The following MMS22L variants were observed in gnomAD, a reference collection of about 807,000 sequenced individuals.
MMS22L encodes MMS22 like, DNA repair protein.
MMS22L carries 74 observed loss-of-function variants against 159.1 expected under a neutral mutation model. The ratio of observed to expected loss-of-function variants is 0.47; its 90% CI spans 0.39 to 0.56. The LOEUF is 0.56. Ranked by LOEUF, MMS22L falls within the 20% of genes least tolerant of loss-of-function variation. The pLI is 0.00. For synonymous variants in MMS22L, 517 were observed against 506.9 expected (o/e 1.02, Z -0.27); for missense variants, 1,351 against 1,422.1 (o/e 0.95, Z 0.80).
chr6:97,241,898 C>T (rs550602776), intron 11 of MMS22L, among the ~76,000 whole-genome samples: 8 of 152,206 alleles, frequency 5.3e-5, no homozygotes, highest in African/African-American at 1.7e-4. Flanking sequence ...TTAATTTCCA[C>T]GTATTTGTAT....
At chr6:97,193,068 ATATG>A (rs1806061464) in intron 14 of MMS22L, among the ~76,000 whole-genome samples, 1 of 152,200 alleles carries the variant, frequency 6.6e-6, no homozygotes, top group South Asian at 2.1e-4. Flanking sequence ...TCACTCATTC[ATATG>A]TAAGTTCTTA....
chr6:97,275,663 A>C (rs1582873733), intron 4 of MMS22L, among the ~76,000 whole-genome samples: 2 of 152,334 alleles, frequency 1.3e-5, no homozygotes, highest in Middle Eastern at 6.8e-3. Flanking sequence ...AGAGAAAAAA[A>C]ACACACACAC....
intron 11 of MMS22L, among the ~76,000 whole-genome samples, chr6:97,241,517 A>G (rs1198516345): frequency 6.6e-6 from 1 of 151,484 alleles, no homozygotes; most frequent in Non-Finnish European, 1.5e-5. Flanking sequence ...GTGGTGTTGC[A>G]TTGTGGTTTT....
In MMS22L at chr6:97,144,630, G is replaced by A. The variant is rs1800810499; in HGVS notation, c.*2176C>T. On this transcript the variant is annotated 3_prime_UTR_variant, in exon 25 of 25. Transcript: ENST00000683635. Reference sequence around the variant, plus strand: ...AGAAGCAGCAGCCTCAGAAATTACAGGGTATTTAGGGAAAGTGGCTATTAA... The same window carrying A: ...AGAAGCAGCAGCCTCAGAAATTACAAGGTATTTAGGGAAAGTGGCTATTAA... 1 of 152,042 alleles carries A rather than the reference G, an allele frequency of 6.6e-6. No homozygotes were observed. The highest frequency in any genetic ancestry group is 2.1e-4 in the South Asian group (1 of 4,822). The allele number at this position is 152,042 out of a possible 1,614,324, so 9.4% of individuals were successfully genotyped here.
At position 97,231,626 on chromosome 6, in the gene MMS22L, A is replaced by C; in HGVS notation, c.1329T>G (p.Leu443=). ...NLNSSFSISW[L]PFKGLANTMK... ...TGGTATTAGCAAGGCCTTTAAAAGG[A>C]AGCCAAGAAATACTGAAGGAACTAT... The change falls in exon 13 of 25, where the codon CTT becomes CTG. Residue 443 remains leucine (L), a synonymous_variant. Transcript: ENST00000683635. The C allele has an allele frequency of 6.2e-7, 1 of 1,612,266 alleles. No homozygotes were observed. Among genetic ancestry groups the C allele is most frequent in the East Asian group, 2.2e-5 (1 of 44,822 alleles).
rs186130628 is a variant in MMS22L at position 97,180,169 on chromosome 6, T to C, written c.2385-610A>G. 4.4e-3 allele frequency among the ~76,000 whole-genome samples: 676 copies of C among 152,228 alleles called. 4 individuals carry two copies. Among genetic ancestry groups the C allele is most frequent in the African/African-American group, 0.015 (629 of 41,548 alleles). On this transcript the variant is annotated intron_variant, in intron 16 of 24. Transcript: ENST00000683635. ...CAGGCTGGAGTGCAGTGGTGCAATC[T>C]TGGCTCACTGCAAGCTCTGCCTCCC... is the stretch of plus-strand genomic sequence containing the variant.
chr6:97,226,066 A>G (rs1810212440), intron 14 of MMS22L, among the ~76,000 whole-genome samples: 1 of 152,202 alleles, frequency 6.6e-6, no homozygotes, highest in Non-Finnish European at 1.5e-5. Flanking sequence ...ATCTATAGGT[A>G]TACTTCCACA....
chr6:97,247,983 A>G (rs940785977), intron 10 of MMS22L, among the ~76,000 whole-genome samples: 5 of 152,226 alleles, frequency 3.3e-5, no homozygotes, highest in Admixed American at 3.3e-4. Context: ...TGAGTATGGT[A>G]GTCAGCCTCT....
chr6:97,178,750 T>A (rs1208267802), intron 17 of MMS22L, among the ~76,000 whole-genome samples, 165 bp from the exon 18 acceptor site: 1 of 152,108 alleles, frequency 6.6e-6, no homozygotes, highest in Non-Finnish European at 1.5e-5. Context: ...GACTTCAAAT[T>A]AAATTTCTCT....
At chr6:97,213,242 A>C (rs1808592806) in intron 14 of MMS22L, among the ~76,000 whole-genome samples, 1 of 152,076 alleles carries the variant, frequency 6.6e-6, no homozygotes, top group South Asian at 2.1e-4. Flanking sequence ...CCCCATCTCT[A>C]CTAAAAATAC....
chr6:97,201,794 TACTCTATGA>T lies in MMS22L; in HGVS notation c.2040-15113_2040-15105del, dbSNP rs548188938. On this transcript the variant is annotated intron_variant, in intron 14 of 24. Transcript: ENST00000683635. ...ATCTCCAAATTCACTAAAAATTTAT[TACTCTATGA>T]GTGCAATCTATTGCTTTAGAGCCTA... Among the ~76,000 whole-genome samples the T allele has an allele frequency of 3.3e-4, 50 of 152,376 alleles. No individual in the cohort carries two copies. The South Asian group carries it at 3.3e-3, about 10-fold the overall frequency.
intron 14 of MMS22L, among the ~76,000 whole-genome samples, chr6:97,223,514 C>G (rs1323305960): frequency 1.3e-5 from 2 of 151,970 alleles, no homozygotes; most frequent in Admixed American, 6.6e-5. Flanking sequence ...TGTTTTTGAC[C>G]CGATAGTATT....
intron 23 of MMS22L, among the ~76,000 whole-genome samples, chr6:97,150,368 G>A (rs2128231543): frequency 6.6e-6 from 1 of 152,056 alleles, no homozygotes; most frequent in South Asian, 2.1e-4. Context: ...GACAGTAACA[G>A]AAAAAAGTCA....
intron 13 of MMS22L, 149 bp downstream of exon 13, chr6:97,231,277 A>G (rs371294283): frequency 4.9e-6 from 3 of 617,684 alleles, no homozygotes; most frequent in African/African-American, 3.7e-5. Flanking sequence ...GTTTGTTTCT[A>G]TCACTTTTAA....
intron 21 of MMS22L, among the ~76,000 whole-genome samples, chr6:97,163,400 G>A (rs1051490407): frequency 5.3e-5 from 8 of 151,848 alleles, no homozygotes; most frequent in African/African-American, 1.9e-4. Flanking sequence ...AGCATGGCAT[G>A]GAAGAAGTCA....
chr6:97,150,873 C>T (rs1471377158), intron 23 of MMS22L, among the ~76,000 whole-genome samples: 3 of 152,058 alleles, frequency 2.0e-5, no homozygotes, highest in Non-Finnish European at 2.9e-5. Context: ...AATACAAAAA[C>T]GTATTGCCCT....
At chr6:97,231,393 G>C (rs1582715079) in intron 13 of MMS22L, 33 bp downstream of exon 13, 1 of 1,463,568 alleles carries the variant, frequency 6.8e-7, no homozygotes, top group East Asian at 2.3e-5. Context: ...AAAGATATCA[G>C]TGCACACTCA....
intron 1 of MMS22L, among the ~76,000 whole-genome samples, chr6:97,282,757 C>T (rs113507857): frequency 4.7e-4 from 71 of 152,148 alleles, no homozygotes; most frequent in Non-Finnish European, 6.5e-4. Context: ...CGAAATCCGG[C>T]CACTAAGTCG....
At chr6:97,179,242 C>G (rs372334965) in intron 17 of MMS22L, among the ~76,000 whole-genome samples, 166 bp downstream of exon 17, 1 of 151,752 alleles carries the variant, frequency 6.6e-6, no homozygotes, top group Non-Finnish European at 1.5e-5. Flanking sequence ...CAAAACAAAA[C>G]AAAAAAACGG....
Sources: gnomAD v4.1 joint callset for allele counts (sites outside exome capture counted in the v4.1 genomes callset) on GRCh38, gnomAD v4.1.1 for gene constraint, MANE v1.5 for transcripts, NCBI Gene and HGNC (gene_info 2026-07-23, HGNC 2026-07-21) for gene names.